Variants in FRMPD4 observed in about 807,000 individuals in gnomAD.
The protein encoded by FRMPD4 is FERM and PDZ domain containing 4.
Under a neutral mutation model 94.1 loss-of-function variants are expected in FRMPD4, and 22 were observed. The observed-to-expected ratio is 0.23, with a 90% CI of 0.17 to 0.33. The LOEUF (loss-of-function observed/expected upper bound fraction) is 0.33. Among genes scored for constraint, FRMPD4 ranks in the 10% least tolerant of loss-of-function variants. The pLI, the probability that FRMPD4 is intolerant of heterozygous loss-of-function variation, is 1.00. For missense variants in FRMPD4, 1,111 were observed against 1,339.9 expected, an observed-to-expected ratio of 0.83 and a Z score of 2.67; for synonymous variants, 631 against 548.6, an observed-to-expected ratio of 1.15 and a Z score of -2.10.
intron 3 of FRMPD4, among the ~76,000 whole-genome samples, chrX:12,055,134 G>A (rs2147455617): frequency 8.9e-6 from 1 of 112,034 alleles, no homozygotes; most frequent in East Asian, 2.8e-4. Flanking sequence ...TAATAAAGCT[G>A]GGGGATAAAT....
intron 1 of FRMPD4, among the ~76,000 whole-genome samples, chrX:12,439,448 T>G (rs925453960): frequency 9.0e-6 from 1 of 111,458 alleles, no homozygotes; most frequent in Non-Finnish European, 1.9e-5. Flanking sequence ...ATCTAGCTCC[T>G]AAGTACGGGA....
At chrX:12,462,953 C>G (rs1178085489) in intron 1 of FRMPD4, among the ~76,000 whole-genome samples, 1 of 111,574 alleles carries the variant, frequency 9.0e-6, no homozygotes, top group Non-Finnish European at 1.9e-5. Flanking sequence ...CATACCACTG[C>G]ACTCCAGCCT....
intron 9 of FRMPD4, among the ~76,000 whole-genome samples, chrX:12,697,258 G>A (rs1279253477): frequency 5.4e-5 from 6 of 112,050 alleles, no homozygotes; most frequent in Admixed American, 1.9e-4. Flanking sequence ...CCCAGCAGGC[G>A]TGACTGCATG....
At chrX:12,087,201 T>C (rs2055117989) in intron 3 of FRMPD4, among the ~76,000 whole-genome samples, 1 of 111,165 alleles carries the variant, frequency 9.0e-6, no homozygotes, top group African/African-American at 3.3e-5. Context: ...CTCACTGGGG[T>C]GACCTTAGGG....
At chrX:12,049,024 A>G (rs1430725483) in intron 3 of FRMPD4, among the ~76,000 whole-genome samples, 1 of 111,733 alleles carries the variant, frequency 8.9e-6, no homozygotes, top group Non-Finnish European at 1.9e-5. Context: ...CTGTAAAAAA[A>G]TGAAATTGGT....
intron 1 of FRMPD4, among the ~76,000 whole-genome samples, chrX:12,181,722 C>T (rs758579539): frequency 9.0e-6 from 1 of 111,315 alleles, no homozygotes; most frequent in East Asian, 2.8e-4. Context: ...ATTTTCCAGA[C>T]AGTGGCAGCA....
chrX:12,032,655 A>G (rs1318681153), intron 3 of FRMPD4, among the ~76,000 whole-genome samples: 2 of 112,212 alleles, frequency 1.8e-5, no homozygotes, highest in Non-Finnish European at 3.8e-5. Flanking sequence ...CTACAGCACA[A>G]ATGGAGAGAC....
chrX:12,585,106 C>T (rs138867632), intron 2 of FRMPD4, among the ~76,000 whole-genome samples: 90 of 109,890 alleles, frequency 8.2e-4, no homozygotes, highest in Non-Finnish European at 1.3e-3. Context: ...TTAGTAGACA[C>T]GGGGCTTCAC....
chrX:11,894,165 G>A (rs766363379), intron 3 of FRMPD4, among the ~76,000 whole-genome samples: 45 of 111,743 alleles, frequency 4.0e-4, no homozygotes, highest in African/African-American at 1.4e-3. Context: ...TTGATAAGGA[G>A]CCTTCACAAT....
intron 1 of FRMPD4, among the ~76,000 whole-genome samples, chrX:12,429,399 C>T (rs1034361633): frequency 1.8e-5 from 2 of 111,607 alleles, no homozygotes; most frequent in Non-Finnish European, 3.8e-5. Context: ...TCTTGCCTCA[C>T]TCTTTCTCCC....
chrX:12,679,246 T>C (rs73432851), intron 5 of FRMPD4, among the ~76,000 whole-genome samples: 1,809 of 112,142 alleles, frequency 0.016, 44 homozygotes, highest in African/African-American at 0.055. Context: ...TGTGTTCTCT[T>C]ACATGGTGGT....
intron 1 of FRMPD4, among the ~76,000 whole-genome samples, chrX:12,462,203 T>C (rs769205544): frequency 8.9e-6 from 1 of 111,909 alleles, no homozygotes; most frequent in Middle Eastern, 4.7e-3. Flanking sequence ...GGAAGGATAA[T>C]GAATACAGTG....
chrX:12,126,261 T>C (rs2055499066), intron 3 of FRMPD4, among the ~76,000 whole-genome samples: 1 of 112,005 alleles, frequency 8.9e-6, no homozygotes, highest in African/African-American at 3.3e-5. Flanking sequence ...AGGACATCTG[T>C]CTGCCGATTG....
intron 5 of FRMPD4, among the ~76,000 whole-genome samples, chrX:12,679,381 G>A (rs1419486540): frequency 8.9e-6 from 1 of 111,757 alleles, no homozygotes; most frequent in Non-Finnish European, 1.9e-5. Context: ...GAGCACCAGG[G>A]GAGCCGATTC....
intron 1 of FRMPD4, among the ~76,000 whole-genome samples, chrX:12,351,172 C>A (rs867016361): frequency 7.9e-3 from 648 of 81,543 alleles, no homozygotes; most frequent in African/African-American, 9.0e-3. Flanking sequence ...CTCCACCTCA[C>A]AAAAAAAAAA....
At position 12,473,144 on chromosome X, in the gene FRMPD4, G is replaced by C. The variant is rs1164339320; in HGVS notation, c.42-25536G>C. 1.3e-3 allele frequency among the ~76,000 whole-genome samples: 141 copies of C among 110,924 alleles called. 1 individual carries two copies. Among genetic ancestry groups the C allele is most frequent in the Non-Finnish European group, 2.3e-3 (121 of 53,239 alleles). On this transcript the variant is annotated intron_variant, in intron 1 of 16. Coordinates refer to ENST00000675598, the MANE Select transcript of FRMPD4 (RefSeq NM_001368397.1). The stretch of plus-strand genomic sequence containing the variant: ...CAGAAACTCTACAAGCCAGAAGAGA[G>C]TGGGGGCCAATATTCAACATTCTTA...
intron 2 of FRMPD4, among the ~76,000 whole-genome samples, chrX:12,512,470 G>C (rs756473988): frequency 8.9e-6 from 1 of 112,651 alleles, no homozygotes; most frequent in African/African-American, 3.2e-5. Context: ...AGAACATGTG[G>C]TGTTTGGTTT....
chrX:12,403,964 G>C (rs1219940795), intron 1 of FRMPD4, among the ~76,000 whole-genome samples: 2 of 111,543 alleles, frequency 1.8e-5, no homozygotes, highest in African/African-American at 6.5e-5. Flanking sequence ...CTGCTTGTGT[G>C]GCCAAGTGTA....
intron 1 of FRMPD4, among the ~76,000 whole-genome samples, chrX:12,324,892 T>C (rs2055262607): frequency 1.8e-5 from 2 of 112,357 alleles, no homozygotes; most frequent in Non-Finnish European, 3.8e-5. Context: ...TCTTTTAATA[T>C]CTGTGTACAA....
Sources: allele counts gnomAD v4.1 joint callset (sites outside exome capture counted in the v4.1 genomes callset), GRCh38; gene constraint gnomAD v4.1.1; transcripts MANE v1.5; gene names NCBI Gene and HGNC (gene_info 2026-07-23, HGNC 2026-07-21).